The following IGF2BP3 variants were observed in gnomAD, a reference collection of about 807,000 sequenced individuals.
IGF2BP3 encodes the protein insulin-like growth factor 2 mRNA-binding protein 3.
Under a neutral mutation model 73.8 loss-of-function variants are expected in IGF2BP3, and 9 were observed. That is an observed-to-expected ratio of 0.12 (90% CI 0.07 to 0.21). The LOEUF (loss-of-function observed/expected upper bound fraction) is 0.21. Among genes scored for constraint, IGF2BP3 ranks in the 10% least tolerant of loss-of-function variants. The pLI is 1.00. For synonymous variants in IGF2BP3, 258 were observed against 256.7 expected, an observed-to-expected ratio of 1.01 and a Z score of -0.05; for missense variants, 542 against 714.0, an observed-to-expected ratio of 0.76 and a Z score of 2.75.
At chr7:23,323,992 A>C (rs1004412774) in intron 10 of IGF2BP3, among the ~76,000 whole-genome samples, 1 of 152,166 alleles carries the variant, frequency 6.6e-6, no homozygotes. Context: ...TTGACACCCT[A>C]ACATCACAAT....
chr7:23,380,427 T>C (rs755316406), intron 3 of IGF2BP3, among the ~76,000 whole-genome samples: 3 of 152,078 alleles, frequency 2.0e-5, no homozygotes, highest in Non-Finnish European at 2.9e-5. Flanking sequence ...CCTCCCAAAG[T>C]GCTGGGGTTA....
intron 3 of IGF2BP3, among the ~76,000 whole-genome samples, chr7:23,405,679 T>C (rs1786805933): frequency 2.0e-5 from 3 of 152,178 alleles, no homozygotes; most frequent in African/African-American, 7.2e-5. Flanking sequence ...GGGATCTAGG[T>C]TGCATACTCC....
rs1213639829 is a variant in IGF2BP3, at chr7:23,322,464, C to T, written c.1204-3210G>A. On this transcript the variant is annotated intron_variant, in intron 10 of 14. Coordinates refer to ENST00000258729, the MANE Select transcript of IGF2BP3 (RefSeq NM_006547.3). ...GTCTGACTGGTGTACCTGAAAGTGA[C>T]GGGGAGAATGGAACCAAGTTGGAAA... 2.6e-4 allele frequency among the ~76,000 whole-genome samples: 40 copies of T among 152,096 alleles called. No individual in the cohort carries two copies. The East Asian group carries it at 3.5e-3, about 13-fold the overall frequency.
chr7:23,387,112 G>A (rs189866844), intron 3 of IGF2BP3, among the ~76,000 whole-genome samples: 8 of 151,568 alleles, frequency 5.3e-5, no homozygotes, highest in Admixed American at 5.3e-4. Context: ...AAGGAAGGTA[G>A]GTAGGTTGGT....
chr7:23,418,730 T>C, intron 3 of IGF2BP3, 46 bp downstream of exon 3: 2 of 1,234,854 alleles, frequency 1.6e-6, no homozygotes, highest in Non-Finnish European at 2.3e-6. Flanking sequence ...CTAACAGCAA[T>C]AGGCTTCCAT....
intron 2 of IGF2BP3, among the ~76,000 whole-genome samples, chr7:23,449,673 T>G (rs1157785948): frequency 2.0e-5 from 3 of 148,456 alleles, no homozygotes; most frequent in African/African-American, 4.9e-5. Flanking sequence ...TTCTCGTGCC[T>G]CAGCCTCCTG....
chr7:23,340,417 T>A (rs1371319269), intron 10 of IGF2BP3, among the ~76,000 whole-genome samples: 1 of 152,038 alleles, frequency 6.6e-6, no homozygotes, highest in Non-Finnish European at 1.5e-5. Context: ...GAAAAGGAAA[T>A]TTTCATTTTT....
At chr7:23,351,693 TTC>T (rs1486705981) in intron 5 of IGF2BP3, 107 bp from the exon 6 acceptor site, 3 of 1,221,370 alleles carry the variant, frequency 2.5e-6, no homozygotes, top group African/African-American at 3.0e-5. Flanking sequence ...AGCTCTAAAC[TTC>T]TGAGTGAAGC....
intron 3 of IGF2BP3, chr7:23,416,115 A>C (rs919539848): frequency 3.3e-5 from 5 of 152,246 alleles, no homozygotes; most frequent in African/African-American, 1.2e-4. Flanking sequence ...TGAGGCTCAA[A>C]GAATTTTAAA....
chr7:23,330,649 G>T (rs1480646995), intron 10 of IGF2BP3, among the ~76,000 whole-genome samples: 1 of 152,154 alleles, frequency 6.6e-6, no homozygotes, highest in African/African-American at 2.4e-5. Context: ...AAGCAATGTT[G>T]GCCGGGCTGG....
intron 2 of IGF2BP3, among the ~76,000 whole-genome samples, chr7:23,424,428 C>T (rs769797548): frequency 1.8e-4 from 28 of 151,934 alleles, no homozygotes; most frequent in Non-Finnish European, 3.1e-4. Context: ...AACCAGGAGG[C>T]GGACATTGCA....
chr7:23,394,641 G>C (rs2128522535), intron 3 of IGF2BP3: 1 of 152,124 alleles, frequency 6.6e-6, no homozygotes, highest in East Asian at 1.9e-4. Flanking sequence ...GGCAAACACA[G>C]TCAGTGAGAA....
rs1489700431 is a variant in IGF2BP3 at position 23,361,828 on chromosome 7, A to T, written c.286-87T>A. ...GAATATGTCTTAAAATCACTAAGTA[A>T]TTGTGATGGAAAAGAGCCAAAAAAT... On this transcript the variant is annotated intron_variant, in intron 3 of 14. Coordinates refer to ENST00000258729, the MANE Select transcript of IGF2BP3 (RefSeq NM_006547.3). The T allele has an allele frequency of 2.5e-6, 3 of 1,224,190 alleles. No homozygotes were observed. In the East Asian group the frequency reaches 7.2e-5, roughly 29 times the overall value. The allele number at this position is 1,224,190 out of a possible 1,614,324, so 75.8% of individuals were successfully genotyped here. A position where few individuals can be genotyped will look rare whatever the true frequency, so the allele number is the denominator to read the frequency against.
chr7:23,409,785 G>C (rs1206741598), intron 3 of IGF2BP3, among the ~76,000 whole-genome samples: 3 of 152,150 alleles, frequency 2.0e-5, no homozygotes, highest in African/African-American at 7.2e-5. Context: ...TCATAACTTT[G>C]ATTTAGGCAA....
intron 10 of IGF2BP3, among the ~76,000 whole-genome samples, chr7:23,321,345 G>A (rs1004470966): frequency 6.6e-6 from 1 of 152,212 alleles, no homozygotes; most frequent in African/African-American, 2.4e-5. Context: ...ACTCCCACAT[G>A]AATACTGCGC....
At chr7:23,439,978 A>C in intron 2 of IGF2BP3, among the ~76,000 whole-genome samples, 1 of 152,122 alleles carries the variant, frequency 6.6e-6, no homozygotes, top group South Asian at 2.1e-4. Flanking sequence ...AAAGCTTTAC[A>C]ATTAGTTGAG....
chr7:23,385,325 C>A (rs1476804392), intron 3 of IGF2BP3, among the ~76,000 whole-genome samples: 1 of 152,156 alleles, frequency 6.6e-6, no homozygotes, highest in Non-Finnish European at 1.5e-5. Context: ...GAAAGTGAAT[C>A]TGAATATGCC....
At chr7:23,320,852 A>G (rs1784118018) in intron 10 of IGF2BP3, among the ~76,000 whole-genome samples, 1 of 147,684 alleles carries the variant, frequency 6.8e-6, no homozygotes, top group Non-Finnish European at 1.5e-5. Flanking sequence ...GGGGAGGCTG[A>G]GATGGGAGGA....
intron 2 of IGF2BP3, among the ~76,000 whole-genome samples, chr7:23,429,115 T>C (rs1381895434): frequency 1.3e-5 from 2 of 152,196 alleles, no homozygotes; most frequent in Admixed American, 1.3e-4. Flanking sequence ...ATCTGGTCAC[T>C]AGAGGCACTC....
Sources: gnomAD v4.1 joint callset for allele counts (sites outside exome capture counted in the v4.1 genomes callset) on GRCh38, gnomAD v4.1.1 for gene constraint, MANE v1.5 for transcripts, NCBI Gene and HGNC (gene_info 2026-07-23, HGNC 2026-07-21) for gene names.